Variants in PDE1A observed in about 807,000 individuals in gnomAD.
The protein encoded by PDE1A is dual specificity calcium/calmodulin-dependent 3',5'-cyclic nucleotide phosphodiesterase 1A.
Under a neutral mutation model 61.7 loss-of-function variants are expected in PDE1A, and 35 were observed. The ratio of observed to expected loss-of-function variants is 0.57; its 90% CI spans 0.43 to 0.75. The LOEUF is 0.75. Ranked by LOEUF, PDE1A falls within the 30% of genes least tolerant of loss-of-function variation. The pLI is 0.00. For missense variants in PDE1A, 597 were observed against 630.6 expected, an observed-to-expected ratio of 0.95 and a Z score of 0.57; for synonymous variants, 232 against 213.2, an observed-to-expected ratio of 1.09 and a Z score of -0.77.
At chr2:182,347,671 C>T (rs1698600363) in intron 1 of PDE1A, among the ~76,000 whole-genome samples, 1 of 151,942 alleles carries the variant, frequency 6.6e-6, no homozygotes, top group Non-Finnish European at 1.5e-5. Flanking sequence ...AGATATTGTG[C>T]AGTAAGAATG....
chr2:182,352,001 G>T (rs1167520345), intron 1 of PDE1A, among the ~76,000 whole-genome samples: 2 of 152,156 alleles, frequency 1.3e-5, no homozygotes, highest in Non-Finnish European at 2.9e-5. Flanking sequence ...CAAAACATTT[G>T]TAATTTTCAC....
intron 1 of PDE1A, among the ~76,000 whole-genome samples, chr2:182,268,332 T>C (rs1330086418): frequency 6.6e-6 from 1 of 152,110 alleles, no homozygotes; most frequent in African/African-American, 2.4e-5. Flanking sequence ...ATTGGGTATC[T>C]ATTACTGCAC....
In PDE1A at chr2:182,314,837, G is replaced by C. The variant is rs570872651; in HGVS notation, c.54-50423C>G. ...TTTTTATGCATGCAATGTATTATAT[G>C]TTAATTATGCCTCAATAAAACCGTT... is the stretch of plus-strand genomic sequence containing the variant. On this transcript the variant is annotated intron_variant, in intron 1 of 13. Transcript: ENST00000351439. Among the ~76,000 whole-genome samples the C allele has an allele frequency of 4.6e-5, 7 of 152,162 alleles. No individual in the cohort carries two copies. The South Asian group carries it at 1.2e-3, about 27-fold the overall frequency.
At chr2:182,422,475 A>C (rs1456699351) in intron 1 of PDE1A, among the ~76,000 whole-genome samples, 1 of 152,226 alleles carries the variant, frequency 6.6e-6, no homozygotes, top group African/African-American at 2.4e-5. Flanking sequence ...TGAGGCAGTG[A>C]AATTCAGAAA....
At chr2:182,399,373 T>C (rs1302449006) in intron 1 of PDE1A, among the ~76,000 whole-genome samples, 2 of 151,928 alleles carry the variant, frequency 1.3e-5, no homozygotes, top group Non-Finnish European at 2.9e-5. Context: ...ATGTGACCCC[T>C]TTTAGTTAAA....
At chr2:182,194,736 T>C (rs896224240) in intron 10 of PDE1A, among the ~76,000 whole-genome samples, 7 of 152,064 alleles carry the variant, frequency 4.6e-5, no homozygotes. Context: ...TACAAATAGC[T>C]TGTCTTCCAG....
At chr2:182,290,761 T>G (rs1282309523) in intron 1 of PDE1A, among the ~76,000 whole-genome samples, 1 of 152,010 alleles carries the variant, frequency 6.6e-6, no homozygotes, top group Non-Finnish European at 1.5e-5. Flanking sequence ...TCTCTTCTCA[T>G]TTTACTCTAC....
At chr2:182,184,680 A>G (rs901996147) in intron 13 of PDE1A, among the ~76,000 whole-genome samples, 2 of 152,156 alleles carry the variant, frequency 1.3e-5, no homozygotes, top group African/African-American at 4.8e-5. Context: ...CATACAAAAG[A>G]TTGCATATAC....
Position 182,477,580 on chromosome 2 carries a change from C to T in PDE1A, c.101+44696G>A, listed in dbSNP as rs144134760. On this transcript the variant is annotated intron_variant, in intron 2 of 14. Transcript: ENST00000410103. The stretch of plus-strand genomic sequence containing the variant: ...GTCCTGCCTCCACATATGGTAAGTG[C>T]CATGTTCTAGAAAACACAGCGTGTA... Among the ~76,000 whole-genome samples the T allele has an allele frequency of 4.8e-3, 729 of 151,960 alleles. 2 individuals are homozygous for T. Among genetic ancestry groups the T allele is most frequent in the African/African-American group, 0.017 (687 of 41,494 alleles).
At chr2:182,584,309 C>A in the PDE1A span, among the ~76,000 whole-genome samples, 3 of 147,110 alleles carry the variant, frequency 2.0e-5, no homozygotes, top group African/African-American at 7.6e-5. Context: ...TGCTGACTAT[C>A]TCTGTTAGTT....
chr2:182,163,510 A>G (rs1415781468), downstream of PDE1A, among the ~76,000 whole-genome samples: 1 of 152,176 alleles, frequency 6.6e-6, no homozygotes, highest in East Asian at 1.9e-4. Flanking sequence ...ATTTATTGGC[A>G]AGACATGTGC....
intron 2 of PDE1A, among the ~76,000 whole-genome samples, chr2:182,499,250 C>T (rs1688943071): frequency 6.9e-6 from 1 of 144,652 alleles, no homozygotes; most frequent in African/African-American, 2.6e-5. Flanking sequence ...GATCTCGGCT[C>T]ACTGCAAGCT....
At chr2:182,328,527 G>C (rs1159541196) in intron 1 of PDE1A, among the ~76,000 whole-genome samples, 1 of 152,122 alleles carries the variant, frequency 6.6e-6, no homozygotes, top group Non-Finnish European at 1.5e-5. Context: ...CAGATTTTAA[G>C]TTCTACTATG....
chr2:182,577,996 C>T, the PDE1A span, among the ~76,000 whole-genome samples: 8 of 103,116 alleles, frequency 7.8e-5, no homozygotes, highest in Admixed American at 1.8e-4. Flanking sequence ...AAGGAAGGGA[C>T]GGAGGGAGGG....
At chr2:182,370,012 T>TA (rs1249627384) in intron 1 of PDE1A, among the ~76,000 whole-genome samples, 1 of 151,550 alleles carries the variant, frequency 6.6e-6, no homozygotes, top group African/African-American at 2.4e-5. Context: ...CTGTCTCTAC[T>TA]AAAAAAATAC....
chr2:182,700,721 C>CAAAAAAAAAAAAAAAAA, the PDE1A span, among the ~76,000 whole-genome samples: 471 of 23,880 alleles, frequency 0.02, 60 homozygotes, highest in Non-Finnish European at 0.034. Context: ...GACTCCATCT[C>CAAAAAAAAAAAAAAAAA]AAAAAAAAAA....
At chr2:182,356,426 A>C (rs1699183387) in intron 1 of PDE1A, among the ~76,000 whole-genome samples, 1 of 152,204 alleles carries the variant, frequency 6.6e-6, no homozygotes, top group Non-Finnish European at 1.5e-5. Flanking sequence ...AGTAATTATT[A>C]ATGTATTAAT....
chr2:182,700,734 A>AAAAAAAAAAAAAAAAG, the PDE1A span, among the ~76,000 whole-genome samples: 1 of 144,418 alleles, frequency 6.9e-6, no homozygotes, highest in Non-Finnish European at 1.5e-5. Flanking sequence ...AAAAAAAAAA[A>AAAAAAAAAAAAAAAAG]AAAAAACAGA....
At chr2:182,604,795 G>T in the PDE1A span, among the ~76,000 whole-genome samples, 2 of 152,128 alleles carry the variant, frequency 1.3e-5, no homozygotes, top group East Asian at 3.9e-4. Flanking sequence ...TGAAAGCCAG[G>T]TTATATTGGT....
Sources: allele counts gnomAD v4.1 joint callset (sites outside exome capture counted in the v4.1 genomes callset), GRCh38; gene constraint gnomAD v4.1.1; transcripts MANE v1.5; gene names NCBI Gene and HGNC (gene_info 2026-07-23, HGNC 2026-07-21).